SMIM7: variants seen among roughly 807,000 people sequenced by gnomAD.
SMIM7 encodes the protein small integral membrane protein 7, also known as UPF0608 protein C19orf42.
In SMIM7, 12 loss-of-function variants were observed where a neutral mutation model predicts 13.3. The ratio of observed to expected loss-of-function variants is 0.90; its 90% CI spans 0.58 to 1.46. SMIM7 has a LOEUF of 1.46. SMIM7 is among the 40% of genes most tolerant of loss of function. SMIM7 has a pLI of 0.00. For synonymous variants in SMIM7, 36 were observed against 35.8 expected, an observed-to-expected ratio of 1.01 and a Z score of -0.02; for missense variants, 114 against 94.8, an observed-to-expected ratio of 1.20 and a Z score of -0.84.
intron 3 of SMIM7, among the ~76,000 whole-genome samples, chr19:16,657,491 G>C (rs2086611187): frequency 6.6e-6 from 1 of 152,214 alleles, no homozygotes; most frequent in Admixed American, 6.5e-5. Context: ...AGATGGTCTA[G>C]TGATTGAGTG....
chr19:16,632,722 C>T (rs1296625917), intron 4 of SMIM7, among the ~76,000 whole-genome samples: 2 of 151,692 alleles, frequency 1.3e-5, no homozygotes, highest in Non-Finnish European at 1.5e-5. Context: ...AGTAGAGATG[C>T]GGTTTCGTCA....
At chr19:16,638,362 G>A (rs2086376944) in intron 4 of SMIM7, among the ~76,000 whole-genome samples, 1 of 141,632 alleles carries the variant, frequency 7.1e-6, no homozygotes, top group Non-Finnish European at 1.5e-5. Context: ...GGAGTGCAAT[G>A]GCACGATCTC....
chr19:16,647,534 C>T (rs145305465), intron 4 of SMIM7, among the ~76,000 whole-genome samples: 1 of 150,138 alleles, frequency 6.7e-6, no homozygotes, highest in Admixed American at 6.7e-5. Flanking sequence ...CAGCTCGCTG[C>T]AACCTCTGCA....
chr19:16,654,552 T>C (rs555927758), intron 3 of SMIM7, among the ~76,000 whole-genome samples: 8 of 152,310 alleles, frequency 5.3e-5, no homozygotes, highest in Admixed American at 4.6e-4. Context: ...GTTTTTACTT[T>C]TTTTTAAAAT....
intron 4 of SMIM7, among the ~76,000 whole-genome samples, chr19:16,653,236 G>A (rs952301207): frequency 2.6e-5 from 4 of 152,174 alleles, no homozygotes; most frequent in African/African-American, 4.8e-5. Context: ...TGGGGACACA[G>A]GGACAGAGTT....
At chr19:16,652,857 T>A (rs2122535500) in intron 4 of SMIM7, 1 of 1,550,326 alleles carries the variant, frequency 6.5e-7, no homozygotes, top group South Asian at 1.2e-5. Flanking sequence ...CCGTCGTGTC[T>A]TTTCCTAAAT....
intron 3 of SMIM7, among the ~76,000 whole-genome samples, chr19:16,658,372 A>G (rs988215347): frequency 6.6e-6 from 1 of 152,256 alleles, no homozygotes; most frequent in Admixed American, 6.5e-5. Context: ...ATGAATGGAT[A>G]CAATAGTCAT....
chr19:16,643,576 T>C (rs1183015548), downstream of SMIM7, among the ~76,000 whole-genome samples: 2 of 152,132 alleles, frequency 1.3e-5, no homozygotes, highest in Non-Finnish European at 2.9e-5. Flanking sequence ...TATGTATGTT[T>C]AGTAGAGATA....
chr19:16,633,816 T>C (rs770374823), intron 4 of SMIM7: 2 of 152,230 alleles, frequency 1.3e-5, no homozygotes, highest in Non-Finnish European at 2.9e-5. Flanking sequence ...ATCTTAATTA[T>C]ACTTTTATTA....
chr19:16,648,290 G>A (rs1417632151), intron 4 of SMIM7, among the ~76,000 whole-genome samples: 3 of 152,132 alleles, frequency 2.0e-5, no homozygotes, highest in South Asian at 2.1e-4. Context: ...ACAGGCACCC[G>A]CCACCATGCC....
intron 4 of SMIM7, among the ~76,000 whole-genome samples, chr19:16,651,194 T>G (rs761363625): frequency 2.0e-5 from 3 of 152,074 alleles, no homozygotes; most frequent in Non-Finnish European, 2.9e-5. Context: ...AGTGAAAGAG[T>G]TGGCCTGGGT....
At chr19:16,659,918 G>C (rs1378134391) in intron 2 of SMIM7, 41 bp downstream of exon 2, 1 of 1,589,150 alleles carries the variant, frequency 6.3e-7, no homozygotes, top group East Asian at 2.3e-5. Flanking sequence ...GGGGCTACGG[G>C]TTCCCCGGAT....
chr19:16,656,770 G>A (rs1430817512), intron 3 of SMIM7, among the ~76,000 whole-genome samples: 1 of 151,984 alleles, frequency 6.6e-6, no homozygotes, highest in Non-Finnish European at 1.5e-5. Context: ...ATGGTGGTGG[G>A]TGCCTGTAAT....
chr19:16,650,180 T>C (rs921960699), intron 4 of SMIM7, among the ~76,000 whole-genome samples: 9 of 152,226 alleles, frequency 5.9e-5, no homozygotes, highest in African/African-American at 2.2e-4. Flanking sequence ...TATGAAAATT[T>C]CAACACACAG....
At chr19:16,659,132 A>G in intron 3 of SMIM7, 2 of 528,310 alleles carry the variant, frequency 3.8e-6, no homozygotes, top group Non-Finnish European at 6.8e-6. Flanking sequence ...AAAATACAAA[A>G]TTTAGCCTGG....
downstream of SMIM7, chr19:16,641,296 CTT>C (rs1172564010): frequency 1.8e-4 from 25 of 137,390 alleles, no homozygotes; most frequent in Admixed American, 3.7e-4. Flanking sequence ...TCTAATACAA[CTT>C]TTTTTTTTTT....
At chr19:16,645,917 C>T (rs1304180863), downstream of SMIM7, 1 of 152,072 alleles carries the variant, frequency 6.6e-6, no homozygotes, top group East Asian at 1.9e-4. Context: ...CTACCTCGGC[C>T]TCCCAAAGTG....
intron 2 of SMIM7, 106 bp downstream of exon 2, chr19:16,659,853 C>A: frequency 6.9e-7 from 1 of 1,447,610 alleles, no homozygotes; most frequent in Non-Finnish European, 9.4e-7. Flanking sequence ...TAGGGCGGGG[C>A]CTGCGGCTTG....
chr19:16,660,029 G>C, intron 1 of SMIM7, 29 bp from the exon 2 acceptor site: 1 of 1,614,042 alleles, frequency 6.2e-7, no homozygotes, highest in Middle Eastern at 1.6e-4. Flanking sequence ...AGTTACTAGG[G>C]GCGCCCCCGC....
Sources: allele counts gnomAD v4.1 joint callset (sites outside exome capture counted in the v4.1 genomes callset), GRCh38; gene constraint gnomAD v4.1.1; transcripts MANE v1.5; gene names NCBI Gene and HGNC (gene_info 2026-07-23, HGNC 2026-07-21).